Variants in UTRN observed in about 807,000 individuals in gnomAD.
UTRN encodes utrophin.
Under a neutral mutation model 463.9 loss-of-function variants are expected in UTRN, and 283 were observed. The ratio of observed to expected loss-of-function variants is 0.61; its 90% CI spans 0.55 to 0.67. The LOEUF is 0.67. Ranked by LOEUF, UTRN falls within the 30% of genes least tolerant of loss-of-function variation. UTRN has a pLI of 0.00. For missense variants in UTRN, 3,922 were observed against 4,084.3 expected (o/e 0.96, Z 1.08); for synonymous variants, 1,442 against 1,431.5 (o/e 1.01, Z -0.17).
intron 2 of UTRN, among the ~76,000 whole-genome samples, chr6:144,388,221 T>C (rs1378074996): frequency 6.6e-6 from 1 of 152,244 alleles, no homozygotes; most frequent in Admixed American, 6.5e-5. Context: ...GTATATTCTT[T>C]AATGACCTGC....
At chr6:144,424,930 T>G (rs1785164749) in intron 6 of UTRN, among the ~76,000 whole-genome samples, 1 of 152,188 alleles carries the variant, frequency 6.6e-6, no homozygotes, top group South Asian at 2.1e-4. Context: ...TTATTGATTA[T>G]TAAATATGAA....
chr6:144,784,345 G>A (rs1445276451), intron 61 of UTRN, among the ~76,000 whole-genome samples: 3 of 152,138 alleles, frequency 2.0e-5, no homozygotes, highest in African/African-American at 7.2e-5. Context: ...AGTGTGAGAT[G>A]AAGGTGTCGG....
intron 54 of UTRN, among the ~76,000 whole-genome samples, chr6:144,731,940 C>T (rs1285311077): frequency 1.3e-5 from 2 of 151,954 alleles, no homozygotes; most frequent in Admixed American, 1.3e-4. Context: ...CGGCTCACTG[C>T]AATCTCTGCC....
chr6:144,455,724 C>T lies in UTRN; in HGVS notation c.2284+1855C>T, dbSNP rs551681492. On this transcript the variant is annotated intron_variant, in intron 19 of 74. Transcript: ENST00000367545. Reference sequence around the variant, plus strand: ...TCTAGTTTCTTATCCTTGGGAAAGTCTTGGAACCCTTGTTTCTTTGCCTTG... The same window carrying T: ...TCTAGTTTCTTATCCTTGGGAAAGTTTTGGAACCCTTGTTTCTTTGCCTTG... 3.4e-4 allele frequency among the ~76,000 whole-genome samples: 52 copies of T among 152,254 alleles called. 1 individual carries two copies. The highest frequency in any genetic ancestry group is 2.6e-4 in the Admixed American group (4 of 15,288).
At chr6:144,618,940 T>C (rs114383869) in intron 51 of UTRN, among the ~76,000 whole-genome samples, 37 of 152,264 alleles carry the variant, frequency 2.4e-4, no homozygotes, top group African/African-American at 6.3e-4. Flanking sequence ...TCAGAATTTA[T>C]ATTCTTTCAA....
chr6:144,827,700 T>C, intron 68 of UTRN, 24 bp downstream of exon 68: 1 of 1,608,878 alleles, frequency 6.2e-7, no homozygotes, highest in Non-Finnish European at 8.5e-7. Flanking sequence ...ATCAGAGCCC[T>C]CCACTGCACT....
At chr6:144,696,012 A>G (rs1201883444) in intron 52 of UTRN, among the ~76,000 whole-genome samples, 1 of 152,208 alleles carries the variant, frequency 6.6e-6, no homozygotes, top group Non-Finnish European at 1.5e-5. Flanking sequence ...ACAGAGTTCA[A>G]AGATAAAATT....
intron 22 of UTRN, among the ~76,000 whole-genome samples, chr6:144,461,701 G>C (rs1789429377): frequency 6.6e-6 from 1 of 152,152 alleles, no homozygotes; most frequent in Admixed American, 6.5e-5. Flanking sequence ...ATTTAGTTGA[G>C]TAGCCTTATG....
In UTRN at chr6:144,820,863, A is replaced by G; in HGVS notation, c.9358-19A>G. On this transcript the variant is annotated intron_variant, in intron 65 of 74. Transcript: ENST00000367545. Reference sequence around the variant, plus strand: ...CTTCCATTTTACTGAGAGAAGTGTAATTGTTTTCAACCTTATAGACAACAT... The same window carrying G: ...CTTCCATTTTACTGAGAGAAGTGTAGTTGTTTTCAACCTTATAGACAACAT... 2 of 1,605,534 alleles carry G rather than the reference A, an allele frequency of 1.2e-6. No homozygotes were observed. The highest frequency in any genetic ancestry group is 1.7e-6 in the Non-Finnish European group (2 of 1,176,130).
At chr6:144,334,430 G>C in intron 2 of UTRN, among the ~76,000 whole-genome samples, 1 of 149,604 alleles carries the variant, frequency 6.7e-6, no homozygotes, top group South Asian at 2.1e-4. Context: ...GGGAGTGGTA[G>C]TGTTGCGTCA....
chr6:144,556,789 A>G (rs1038077564), intron 49 of UTRN, among the ~76,000 whole-genome samples: 8 of 152,214 alleles, frequency 5.3e-5, no homozygotes, highest in Non-Finnish European at 1.0e-4. Flanking sequence ...TTCTCCAGGC[A>G]TGTATGCAGG....
Position 144,732,648 on chromosome 6 carries a change from T to TTTATGTTATG in UTRN, c.7939+2168_7939+2169insTATGTTATGT, listed in dbSNP as rs1788834014. Among the ~76,000 whole-genome samples the TTTATGTTATG allele has an allele frequency of 2.1e-5, 3 of 145,754 alleles. No homozygotes were observed. In the Admixed American group the frequency reaches 2.1e-4, roughly 10 times the overall value. On this transcript the variant is annotated intron_variant, in intron 54 of 74. Coordinates refer to ENST00000367545, the MANE Select transcript of UTRN (RefSeq NM_007124.3). Reference sequence around the variant, plus strand: ...TCCAGCATGACATTTATTGTTTCATTTTATGTCATGTTATGTTATGTTATG... The same window carrying TTTATGTTATG: ...TCCAGCATGACATTTATTGTTTCATTTTATGTTATGTTATGTCATGTTATGTTATGTTATG...
intron 50 of UTRN, among the ~76,000 whole-genome samples, chr6:144,566,429 A>C (rs1166809584): frequency 6.6e-6 from 1 of 152,178 alleles, no homozygotes; most frequent in African/African-American, 2.4e-5. Flanking sequence ...CATCTACTCA[A>C]TGAGGCAATG....
intron 53 of UTRN, among the ~76,000 whole-genome samples, chr6:144,705,045 G>T (rs1784952043): frequency 6.6e-6 from 1 of 152,130 alleles, no homozygotes; most frequent in African/African-American, 2.4e-5. Flanking sequence ...TGTGAGTAAA[G>T]GTTTGAAAGT....
chr6:144,452,765 G>A (rs1215740049), intron 18 of UTRN, among the ~76,000 whole-genome samples: 5 of 150,480 alleles, frequency 3.3e-5, no homozygotes, highest in East Asian at 3.9e-4. Context: ...GGAGACCCCC[G>A]TCTCTACAAA....
At chr6:144,816,672 A>G (rs1426310999) in intron 65 of UTRN, among the ~76,000 whole-genome samples, 4 of 149,970 alleles carry the variant, frequency 2.7e-5, no homozygotes, top group African/African-American at 7.4e-5. Context: ...TATATACACC[A>G]TTTAAATCTT....
At chr6:144,438,155 A>G (rs1477838726) in intron 11 of UTRN, among the ~76,000 whole-genome samples, 1 of 152,170 alleles carries the variant, frequency 6.6e-6, no homozygotes, top group African/African-American at 2.4e-5. Context: ...AATCCTAGCT[A>G]CTTGGGAGGT....
At chr6:144,759,083 A>G (rs1792340836) in intron 58 of UTRN, among the ~76,000 whole-genome samples, 1 of 152,118 alleles carries the variant, frequency 6.6e-6, no homozygotes, top group South Asian at 2.1e-4. Flanking sequence ...AGCTCAGGGT[A>G]AAAAACAGGT....
chr6:144,666,902 A>G (rs1780456827), intron 51 of UTRN, among the ~76,000 whole-genome samples: 1 of 152,144 alleles, frequency 6.6e-6, no homozygotes, highest in African/African-American at 2.4e-5. Context: ...GCCTGATCTG[A>G]TGTGAGAAGG....
Sources: gnomAD v4.1 joint callset for allele counts (sites outside exome capture counted in the v4.1 genomes callset) on GRCh38, gnomAD v4.1.1 for gene constraint, MANE v1.5 for transcripts, NCBI Gene and HGNC (gene_info 2026-07-23, HGNC 2026-07-21) for gene names.